Variants in NR1I2 observed in about 807,000 individuals in gnomAD.
NR1I2 encodes the protein nuclear receptor subfamily 1 group I member 2.
NR1I2 carries 42 observed loss-of-function variants against 43.3 expected under a neutral mutation model. The observed-to-expected ratio is 0.97, with a 90% confidence interval of 0.76 to 1.26. NR1I2 has a LOEUF of 1.26. Among genes scored for constraint, NR1I2 ranks in the 50% most tolerant of loss-of-function variants. The pLI is 0.00. For synonymous variants in NR1I2, 229 were observed against 215.0 expected (o/e 1.06, Z -0.57); for missense variants, 559 against 566.7 (o/e 0.99, Z 0.14).
At chr3:119,816,208 G>C (rs977823055) in intron 8 of NR1I2, among the ~76,000 whole-genome samples, 1 of 152,184 alleles carries the variant, frequency 6.6e-6, no homozygotes, top group African/African-American at 2.4e-5. Context: ...GGCCTGCACA[G>C]CTTTCTTTTT....
intron 1 of NR1I2, among the ~76,000 whole-genome samples, chr3:119,786,131 C>T (rs2054839930): frequency 6.6e-6 from 1 of 152,188 alleles, no homozygotes. Flanking sequence ...CACTAGGACC[C>T]TTGGAATGCA....
intron 1 of NR1I2, among the ~76,000 whole-genome samples, chr3:119,806,429 C>T (rs949029279): frequency 1.3e-5 from 2 of 152,164 alleles, no homozygotes; most frequent in African/African-American, 4.8e-5. Context: ...GGACTATAGG[C>T]TCACACCATC....
intron 1 of NR1I2, chr3:119,791,927 T>G (rs1195780304): frequency 4.6e-6 from 3 of 657,168 alleles, no homozygotes; most frequent in Non-Finnish European, 8.6e-6. Context: ...GGCACAGAAC[T>G]GTCATCTTTG....
chr3:119,806,118 T>C (rs1471212877), intron 1 of NR1I2, among the ~76,000 whole-genome samples: 1 of 152,214 alleles, frequency 6.6e-6, no homozygotes, highest in Non-Finnish European at 1.5e-5. Context: ...TCATCTGTGG[T>C]GGTGTCTGCC....
At position 119,791,931 on chromosome 3, in the gene NR1I2, A is replaced by G. The variant is rs573481323; in HGVS notation, c.-23+9631A>G. ...CATGGATGCTGGGCACAGAACTGTCATCTTTGACCGATTCTGTGGAGTACA... is the reference window on the plus strand; with the variant it reads ...CATGGATGCTGGGCACAGAACTGTCGTCTTTGACCGATTCTGTGGAGTACA... On this transcript the variant is annotated intron_variant, in intron 1 of 8. Coordinates refer to ENST00000393716, the MANE Select transcript of NR1I2 (RefSeq NM_003889.4). 7.6e-6 allele frequency: 5 copies of G among 661,112 alleles called. No individual in the cohort carries two copies. In the African/African-American group the frequency reaches 8.8e-5, roughly 12 times the overall value. The allele number at this position is 661,112 out of a possible 1,614,324, so 41.0% of individuals were successfully genotyped here.
intron 1 of NR1I2, among the ~76,000 whole-genome samples, chr3:119,799,719 C>T (rs2055050612): frequency 1.3e-5 from 2 of 152,138 alleles, no homozygotes. Context: ...GTGGTTCATG[C>T]CTCTAATTCC....
chr3:119,817,402 A>C lies in NR1I2; in HGVS notation c.*190A>C. On this transcript the variant is annotated 3_prime_UTR_variant, in exon 9 of 9. Transcript: ENST00000393716. ...AAGGACATGGGTGCCCCCCACCCCC[A>C]GTTCAGTCTGTAGGGAGTGAAGCCA... The C allele has an allele frequency of 6.8e-7, 1 of 1,467,448 alleles. No individual in the cohort carries two copies. Among genetic ancestry groups the C allele is most frequent in the Non-Finnish European group, 9.0e-7 (1 of 1,109,676 alleles). 90.9% of individuals were successfully genotyped at this position (1,467,448 alleles called of 1,614,324 possible).
intron 2 of NR1I2, among the ~76,000 whole-genome samples, chr3:119,809,000 G>C (rs780692163): frequency 5.9e-5 from 9 of 152,206 alleles, no homozygotes; most frequent in Non-Finnish European, 1.2e-4. Context: ...CCCTGGGCTG[G>C]TCACTGGTCC....
intron 2 of NR1I2, among the ~76,000 whole-genome samples, chr3:119,809,086 G>T (rs562318239): frequency 6.6e-6 from 1 of 152,318 alleles, no homozygotes; most frequent in Non-Finnish European, 1.5e-5. Context: ...TGCCCTCGGG[G>T]ACCTCTGCAG....
chr3:119,783,904 G>A (rs1381349251), intron 1 of NR1I2, among the ~76,000 whole-genome samples: 1 of 152,156 alleles, frequency 6.6e-6, no homozygotes, highest in Non-Finnish European at 1.5e-5. Flanking sequence ...TCTGTATAGA[G>A]CTCTACTTCA....
intron 1 of NR1I2, among the ~76,000 whole-genome samples, chr3:119,784,947 C>A (rs2054824219): frequency 6.6e-6 from 1 of 152,110 alleles, no homozygotes; most frequent in Non-Finnish European, 1.5e-5. Flanking sequence ...TTATGGAATT[C>A]TCTTAATAGT....
At chr3:119,804,766 AT>A (rs1183282466) in intron 1 of NR1I2, among the ~76,000 whole-genome samples, 2 of 152,114 alleles carry the variant, frequency 1.3e-5, no homozygotes, top group African/African-American at 4.8e-5. Context: ...TATTTCTACC[AT>A]ACATCTGTGT....
chr3:119,815,153 G>A, intron 6 of NR1I2, 32 bp downstream of exon 6: 1 of 1,614,000 alleles, frequency 6.2e-7, no homozygotes, highest in Non-Finnish European at 8.5e-7. Context: ...CCCTGGCAGA[G>A]GGAGGGAAAC....
At chr3:119,803,119 C>G (rs1334199868) in intron 1 of NR1I2, among the ~76,000 whole-genome samples, 2 of 151,656 alleles carry the variant, frequency 1.3e-5, no homozygotes, top group Non-Finnish European at 2.9e-5. Flanking sequence ...ATCACTTGAG[C>G]CCAGAAGTTG....
At chr3:119,806,274 G>A (rs116658856) in intron 1 of NR1I2, among the ~76,000 whole-genome samples, 1,750 of 152,084 alleles carry the variant, frequency 0.012, 30 homozygotes, top group African/African-American at 0.041. Flanking sequence ...ACATCCTTGA[G>A]TACAGCTCAA....
At chr3:119,782,909 GC>G in intron 1 of NR1I2, 1 of 1,398,646 alleles carries the variant, frequency 7.1e-7, no homozygotes, top group Non-Finnish European at 1.0e-6. Flanking sequence ...ACCGAGTCTT[GC>G]CTGCATGTGG....
Position 119,815,767 on chromosome 3 carries a change from C to A in NR1I2, c.1096C>A (p.Gln366Lys). 1 of 1,613,828 alleles carries A rather than the reference C, an allele frequency of 6.2e-7. No individual in the cohort carries two copies. The highest frequency in any genetic ancestry group is 8.5e-7 in the Non-Finnish European group (1 of 1,179,886). ...GCAGCACCGCGTGGTGGACCAGCTG[C>A]AGGAGCAATTCGCCATTACTCTGAA... Residue 366 changes from glutamine to lysine, a missense_variant, in exon 8 of 9, where the codon CAG becomes AAG. This residue lies in a region of NR1I2 where 323 missense variants were observed against 312.2 expected (regional missense o/e 1.03). Transcript: ENST00000393716.
At chr3:119,792,047 G>T (rs2107950737) in intron 1 of NR1I2, 4 of 729,142 alleles carry the variant, frequency 5.5e-6, no homozygotes, top group Middle Eastern at 2.3e-4. Flanking sequence ...CACATAATGT[G>T]CCAGTCATCA....
chr3:119,783,350 C>A (rs967294199), intron 1 of NR1I2, among the ~76,000 whole-genome samples: 2 of 151,886 alleles, frequency 1.3e-5, no homozygotes, highest in Admixed American at 6.6e-5. Flanking sequence ...TTGTATATGG[C>A]TGTTTTTGCC....
Sources: allele counts gnomAD v4.1 joint callset (sites outside exome capture counted in the v4.1 genomes callset), GRCh38; gene constraint gnomAD v4.1.1; regional missense constraint gnomAD v4.1.1; transcripts MANE v1.5; gene names NCBI Gene and HGNC (gene_info 2026-07-23, HGNC 2026-07-21).